Variants in NRXN1 observed in about 807,000 individuals in gnomAD.
NRXN1 encodes the protein neurexin 1.
A neutral mutation model predicts 150.9 loss-of-function variants in NRXN1; 39 were observed. That is an observed-to-expected ratio of 0.26 (90% confidence interval 0.20 to 0.34). The LOEUF (loss-of-function observed/expected upper bound fraction) is 0.34, where lower values mean the gene tolerates loss of function less well. Ranked by LOEUF, NRXN1 falls within the 10% of genes least tolerant of loss-of-function variation. The pLI, the probability that NRXN1 is intolerant of heterozygous loss-of-function variation, is 1.00. For synonymous variants in NRXN1, 924 were observed against 757.0 expected (o/e 1.22, Z -3.62); for missense variants, 1,815 against 1,949.9 (o/e 0.93, Z 1.30).
chr2:50,953,670 C>A (rs1370274559), intron 2 of NRXN1, among the ~76,000 whole-genome samples: 1 of 151,340 alleles, frequency 6.6e-6, no homozygotes, highest in Non-Finnish European at 1.5e-5. Context: ...TCAAGCGATT[C>A]TCCTGCCTCG....
intron 10 of NRXN1, among the ~76,000 whole-genome samples, chr2:50,533,019 G>C (rs944508450): frequency 5.3e-5 from 8 of 152,234 alleles, no homozygotes; most frequent in Admixed American, 5.2e-4. Context: ...TTCAATATTA[G>C]GACTATATTT....
intron 19 of NRXN1, among the ~76,000 whole-genome samples, chr2:50,066,095 T>C (rs578029693): frequency 4.6e-5 from 7 of 152,294 alleles, no homozygotes; most frequent in Admixed American, 1.3e-4. Context: ...CAAAAATACT[T>C]CACCTTCCTT....
intron 2 of NRXN1, among the ~76,000 whole-genome samples, chr2:50,972,030 C>T (rs1695079943): frequency 6.6e-6 from 1 of 151,624 alleles, no homozygotes; most frequent in South Asian, 2.1e-4. Flanking sequence ...ATCCTGGAGA[C>T]TCAAAATATC....
intron 5 of NRXN1, among the ~76,000 whole-genome samples, chr2:50,746,754 T>G (rs768177233): frequency 6.6e-6 from 1 of 152,072 alleles, no homozygotes; most frequent in Non-Finnish European, 1.5e-5. Context: ...TTAAGGCTCA[T>G]AGTTCTGAAA....
chr2:50,448,357 G>A (rs1438719776), intron 17 of NRXN1, among the ~76,000 whole-genome samples: 1 of 152,048 alleles, frequency 6.6e-6, no homozygotes, highest in African/African-American at 2.4e-5. Context: ...AACCAAACCT[G>A]ACTCCATTGT....
At chr2:50,716,043 G>A (rs1695828249) in intron 5 of NRXN1, among the ~76,000 whole-genome samples, 1 of 152,114 alleles carries the variant, frequency 6.6e-6, no homozygotes, top group South Asian at 2.1e-4. Flanking sequence ...CTAGGGAGGT[G>A]TCTTATAAGC....
At chr2:50,509,778 G>A (rs553740441) in intron 12 of NRXN1, among the ~76,000 whole-genome samples, 4 of 152,092 alleles carry the variant, frequency 2.6e-5, no homozygotes, top group East Asian at 1.9e-4. Context: ...TTGTGCCAAC[G>A]TCTTTCTCCC....
At chr2:50,388,785 T>C (rs1472471790) in intron 17 of NRXN1, among the ~76,000 whole-genome samples, 1 of 152,152 alleles carries the variant, frequency 6.6e-6, no homozygotes, top group African/African-American at 2.4e-5. Flanking sequence ...TCTTTTAGTC[T>C]TCCATTTCTT....
chr2:50,839,080 A>C (rs973087378), intron 5 of NRXN1, among the ~76,000 whole-genome samples: 2 of 152,156 alleles, frequency 1.3e-5, no homozygotes, highest in African/African-American at 4.8e-5. Flanking sequence ...CAGATTGGAA[A>C]TGCTAAATTT....
intron 17 of NRXN1, among the ~76,000 whole-genome samples, chr2:50,263,187 CACACACAT>C (rs769923387): frequency 9.0e-5 from 13 of 143,992 alleles, no homozygotes; most frequent in African/African-American, 3.1e-4. Flanking sequence ...CACACACACA[CACACACAT>C]ACACAAACAG....
At chr2:50,846,108 A>C (rs1673615075) in intron 5 of NRXN1, among the ~76,000 whole-genome samples, 1 of 152,204 alleles carries the variant, frequency 6.6e-6, no homozygotes, top group Non-Finnish European at 1.5e-5. Context: ...GGTCTGTAGA[A>C]TCAACTTAAA....
rs566555424 is a variant in NRXN1 at position 50,508,909 on chromosome 2, G to A, written c.2375-2292C>T. Among the ~76,000 whole-genome samples the A allele has an allele frequency of 8.5e-5, 13 of 152,266 alleles. 1 individual carries two copies. The highest frequency in any genetic ancestry group is 4.1e-4 in the South Asian group (2 of 4,826). ...CTTAATAGTCTCACTTCAACACAAT[G>A]TTACCCATGCAACATGAAGTGTAAT... is the stretch of plus-strand genomic sequence containing the variant. On this transcript the variant is annotated intron_variant, in intron 12 of 22. Transcript: ENST00000401669.
At chr2:50,178,033 T>C (rs1380028394) in intron 18 of NRXN1, among the ~76,000 whole-genome samples, 1 of 152,040 alleles carries the variant, frequency 6.6e-6, no homozygotes. Flanking sequence ...ATATGTAAAA[T>C]TTGAGGGTTT....
chr2:50,887,962 T>TAA (rs1237071646), intron 5 of NRXN1, among the ~76,000 whole-genome samples: 82 of 133,810 alleles, frequency 6.1e-4, no homozygotes, highest in African/African-American at 1.7e-3. Context: ...ACCTTTTAAG[T>TAA]AAAAAAAAAA....
intron 17 of NRXN1, among the ~76,000 whole-genome samples, chr2:50,331,217 G>T (rs983505739): frequency 2.0e-5 from 3 of 152,026 alleles, no homozygotes; most frequent in African/African-American, 7.2e-5. Flanking sequence ...GAAATAATAT[G>T]CAAGAAAGCT....
At chr2:50,331,635 G>A (rs912660620) in intron 17 of NRXN1, among the ~76,000 whole-genome samples, 10 of 152,240 alleles carry the variant, frequency 6.6e-5, no homozygotes, top group African/African-American at 2.4e-4. Flanking sequence ...ATCCTTGTTA[G>A]CAGTATATCA....
chr2:49,933,573 C>A (rs894108641), intron 22 of NRXN1, among the ~76,000 whole-genome samples: 3 of 152,132 alleles, frequency 2.0e-5, no homozygotes, highest in African/African-American at 7.2e-5. Flanking sequence ...CTGTCCTTAA[C>A]TTTTTGAGTG....
chr2:50,314,284 C>G (rs746421826), intron 17 of NRXN1, among the ~76,000 whole-genome samples: 11 of 151,990 alleles, frequency 7.2e-5, no homozygotes, highest in Non-Finnish European at 1.3e-4. Flanking sequence ...CATGTGGACT[C>G]TGTATGATTT....
chr2:50,690,736 T>C (rs1691949494), intron 5 of NRXN1, among the ~76,000 whole-genome samples: 1 of 152,166 alleles, frequency 6.6e-6, no homozygotes, highest in African/African-American at 2.4e-5. Flanking sequence ...ACTCCGGGAT[T>C]CAAAATGATA....
Sources: gnomAD v4.1 joint callset for allele counts (sites outside exome capture counted in the v4.1 genomes callset) on GRCh38, gnomAD v4.1.1 for gene constraint, MANE v1.5 for transcripts, NCBI Gene and HGNC (gene_info 2026-07-23, HGNC 2026-07-21) for gene names.